TLK2: variants seen among roughly 807,000 people sequenced by gnomAD.
The protein encoded by TLK2 is tousled like kinase 2, also known as serine/threonine-protein kinase tousled-like 2.
TLK2 carries 6 observed loss-of-function variants against 117.3 expected under a neutral mutation model. That is an observed-to-expected ratio of 0.05 (90% CI 0.03 to 0.10). The LOEUF (loss-of-function observed/expected upper bound fraction) is 0.10. TLK2 is among the 10% of genes least tolerant of loss of function. TLK2 has a pLI of 1.00. For missense variants in TLK2, 299 were observed against 901.2 expected, an observed-to-expected ratio of 0.33 and a Z score of 8.56; for synonymous variants, 257 against 316.7, an observed-to-expected ratio of 0.81 and a Z score of 2.00.
At chr17:62,513,631 T>C (rs561196752) in intron 2 of TLK2, among the ~76,000 whole-genome samples, 47 of 152,142 alleles carry the variant, frequency 3.1e-4, no homozygotes, top group Non-Finnish European at 5.9e-4. Context: ...CCCTATTAAA[T>C]TGCTTTTATA....
chr17:62,565,382 C>T lies in TLK2; in HGVS notation c.968+245C>T, dbSNP rs561580941. 1.1e-3 allele frequency among the ~76,000 whole-genome samples: 162 copies of T among 152,042 alleles called. 2 individuals carry two copies. The highest frequency in any genetic ancestry group is 3.7e-3 in the African/African-American group (155 of 41,478). Reference sequence around the variant, plus strand: ...ATAAAGTATGAGTTCAGGCCAGGCGCGGTGGCTCACGCCTGTAATCCCAGC... The same window carrying T: ...ATAAAGTATGAGTTCAGGCCAGGCGTGGTGGCTCACGCCTGTAATCCCAGC... On this transcript the variant is annotated intron_variant, in intron 11 of 21. Coordinates refer to ENST00000346027, the MANE Select transcript of TLK2 (RefSeq NM_006852.6).
intron 16 of TLK2, among the ~76,000 whole-genome samples, chr17:62,590,116 G>C (rs192343921): frequency 7.6e-6 from 1 of 131,580 alleles, no homozygotes; most frequent in East Asian, 2.6e-4. Context: ...CTTTAACCTT[G>C]AAAAAAAAAA....
chr17:62,537,224 A>G (rs1202054412), intron 7 of TLK2, among the ~76,000 whole-genome samples: 4 of 152,226 alleles, frequency 2.6e-5, no homozygotes, highest in East Asian at 1.9e-4. Context: ...ACTGTGTTCA[A>G]AAAGGTGCTG....
intron 10 of TLK2, 112 bp from the exon 11 acceptor site, chr17:62,564,889 T>TATGGTTTAC: frequency 7.4e-7 from 1 of 1,349,304 alleles, no homozygotes; most frequent in Non-Finnish European, 9.9e-7. Flanking sequence ...CTGAGAAGTG[T>TATGGTTTAC]ATGGTTTTCA....
chr17:62,483,402 T>G (rs964162066), intron 2 of TLK2, among the ~76,000 whole-genome samples: 1 of 152,228 alleles, frequency 6.6e-6, no homozygotes, highest in Non-Finnish European at 1.5e-5. Flanking sequence ...GTAACTAAGG[T>G]ATCAGAAAAC....
intron 2 of TLK2, among the ~76,000 whole-genome samples, chr17:62,498,538 C>T (rs981788329): frequency 9.9e-5 from 15 of 151,836 alleles, no homozygotes; most frequent in Admixed American, 2.6e-4. Context: ...TACAGGTGTG[C>T]GCCACCACAC....
chr17:62,480,054 G>A (rs555174795), intron 1 of TLK2, among the ~76,000 whole-genome samples: 1 of 152,222 alleles, frequency 6.6e-6, no homozygotes, highest in Admixed American at 6.5e-5. Context: ...ACTTTAATTT[G>A]TCACCTTTTC....
chr17:62,504,840 GTC>G (rs1352319717), intron 2 of TLK2, among the ~76,000 whole-genome samples: 1 of 152,004 alleles, frequency 6.6e-6, no homozygotes, highest in Non-Finnish European at 1.5e-5. Context: ...CTAATTTTGA[GTC>G]TATTTTATTA....
intron 10 of TLK2, among the ~76,000 whole-genome samples, chr17:62,563,555 C>T (rs1053000754): frequency 1.3e-5 from 2 of 152,218 alleles, no homozygotes; most frequent in South Asian, 4.1e-4. Flanking sequence ...AAAACTGCAG[C>T]TATAAATTGC....
At chr17:62,491,023 A>C (rs1312244562) in intron 2 of TLK2, among the ~76,000 whole-genome samples, 1 of 152,178 alleles carries the variant, frequency 6.6e-6, no homozygotes, top group Non-Finnish European at 1.5e-5. Flanking sequence ...GGCATGTGCC[A>C]TTGCACCCAG....
At chr17:62,552,772 A>G (rs1306886526) in intron 8 of TLK2, among the ~76,000 whole-genome samples, 1 of 151,694 alleles carries the variant, frequency 6.6e-6, no homozygotes, top group Non-Finnish European at 1.5e-5. Flanking sequence ...AGTACAAATC[A>G]TCTGTGAAAA....
rs560895716 is a variant in TLK2, at chr17:62,545,152, G to A, written c.532-7150G>A. Among the ~76,000 whole-genome samples the A allele has an allele frequency of 1.2e-4, 19 of 152,034 alleles. 1 individual carries two copies. The South Asian group carries it at 2.3e-3, about 18-fold the overall frequency. ...AGCGATTCTCCTGCCTCAGCCTCCCGAGTAGCTGGGATTATAGGTGCCTGC... is the reference window on the plus strand; with the variant it reads ...AGCGATTCTCCTGCCTCAGCCTCCCAAGTAGCTGGGATTATAGGTGCCTGC... On this transcript the variant is annotated intron_variant, in intron 7 of 21. Transcript: ENST00000346027.
At chr17:62,539,982 C>T (rs1015631188) in intron 7 of TLK2, among the ~76,000 whole-genome samples, 21 of 152,066 alleles carry the variant, frequency 1.4e-4, no homozygotes, top group Non-Finnish European at 2.2e-4. Context: ...AAACTGAACT[C>T]TTCCTTCTGT....
intron 2 of TLK2, among the ~76,000 whole-genome samples, chr17:62,488,401 C>T (rs1440318491): frequency 6.6e-6 from 1 of 151,446 alleles, no homozygotes; most frequent in Non-Finnish European, 1.5e-5. Flanking sequence ...TCAGCTTTTT[C>T]ACATACCAAA....
At chr17:62,511,253 C>T (rs1398316710) in intron 2 of TLK2, among the ~76,000 whole-genome samples, 1 of 152,320 alleles carries the variant, frequency 6.6e-6, no homozygotes, top group Non-Finnish European at 1.5e-5. Context: ...TCCTGCTACG[C>T]GTTTGTAGCC....
chr17:62,495,653 T>TTATA (rs143548926), intron 2 of TLK2, among the ~76,000 whole-genome samples: 108,616 of 137,700 alleles, frequency 0.79, 45,181 homozygotes, highest in Non-Finnish European at 0.91. Flanking sequence ...ATTTTAAAAA[T>TTATA]TATATATATA....
intron 2 of TLK2, among the ~76,000 whole-genome samples, chr17:62,489,966 A>G (rs1312393820): frequency 1.3e-5 from 2 of 152,040 alleles, no homozygotes; most frequent in African/African-American, 4.8e-5. Context: ...GAGTAGCTGG[A>G]ATTACAGGCG....
chr17:62,535,494 C>T (rs1489898760), intron 6 of TLK2, among the ~76,000 whole-genome samples: 4 of 152,016 alleles, frequency 2.6e-5, no homozygotes, highest in African/African-American at 7.2e-5. Flanking sequence ...AGGCCAGGCA[C>T]GGTGGCTCAT....
chr17:62,587,947 T>C (rs1011804639), intron 16 of TLK2, among the ~76,000 whole-genome samples: 14 of 151,586 alleles, frequency 9.2e-5, no homozygotes, highest in Non-Finnish European at 2.9e-5. Flanking sequence ...TTTATACATA[T>C]ACAGATGTAT....
Sources: allele counts gnomAD v4.1 joint callset (sites outside exome capture counted in the v4.1 genomes callset), GRCh38; gene constraint gnomAD v4.1.1; transcripts MANE v1.5; gene names NCBI Gene and HGNC (gene_info 2026-07-23, HGNC 2026-07-21).